Variants in KCNQ1 observed in about 807,000 individuals in gnomAD.
The protein encoded by KCNQ1 is potassium voltage-gated channel subfamily KQT member 1.
KCNQ1 carries 49 observed loss-of-function variants against 72.4 expected under a neutral mutation model. That is an observed-to-expected ratio of 0.68 (90% CI 0.54 to 0.86). KCNQ1 has a LOEUF of 0.86. KCNQ1 is among the 40% of genes least tolerant of loss of function. The pLI is 0.00. For synonymous variants in KCNQ1, 450 were observed against 412.6 expected (o/e 1.09, Z -1.10); for missense variants, 790 against 945.1 (o/e 0.84, Z 2.15).
At position 2,691,260 on chromosome 11, in the gene KCNQ1, G is replaced by A. The variant is rs1393527579; in HGVS notation, c.1514+29179G>A. Reference sequence around the variant, plus strand: ...TTAACCCCTTGAGTCTCGGAAGGCTGTTTGAGCCACTAATCAGGAAGGAGA... The same window carrying A: ...TTAACCCCTTGAGTCTCGGAAGGCTATTTGAGCCACTAATCAGGAAGGAGA... On this transcript the variant is annotated intron_variant, in intron 11 of 15. Coordinates refer to ENST00000155840, the MANE Select transcript of KCNQ1 (RefSeq NM_000218.3). This position sits in a 1 kb window ranked among gnomAD's most constrained non-coding sequence, Gnocchi z 6.4. 1.3e-5 allele frequency: 5 copies of A among 398,538 alleles called. No homozygotes were observed. The highest frequency in any genetic ancestry group is 1.3e-5 in the Non-Finnish European group (3 of 226,112). 24.7% of individuals were successfully genotyped at this position (398,538 alleles called of 1,614,324 possible).
rs182546797 is a variant in KCNQ1 at position 2,447,613 on chromosome 11, G to T, written c.386+2129G>T. 8.9e-4 allele frequency among the ~76,000 whole-genome samples: 135 copies of T among 152,280 alleles called. 1 individual carries two copies. The highest frequency in any genetic ancestry group is 3.0e-3 in the African/African-American group (125 of 41,556). On this transcript the variant is annotated intron_variant, in intron 1 of 15. Coordinates refer to ENST00000155840, the MANE Select transcript of KCNQ1 (RefSeq NM_000218.3). This position sits in a 1 kb window ranked among gnomAD's most constrained non-coding sequence, Gnocchi z 7.6. ...AACCAGGATGGCAGAGTAGCTGGAG[G>T]CCACCTGCAGCCTCACGAAATCAGG...
At chr11:2,630,227 T>C (rs1849331140) in intron 10 of KCNQ1, 1 of 398,370 alleles carries the variant, frequency 2.5e-6, no homozygotes, top group African/African-American at 2.1e-5. Flanking sequence ...CTTGTATATG[T>C]ACACTTAACT....
intron 10 of KCNQ1, among the ~76,000 whole-genome samples, chr11:2,590,133 C>A (rs1361068351): frequency 6.6e-6 from 1 of 152,226 alleles, no homozygotes; most frequent in Non-Finnish European, 1.5e-5. Context: ...CTGGCTTTTT[C>A]TGTCCTCTGA....
At chr11:2,753,804 C>T (rs1846260869) in intron 11 of KCNQ1, among the ~76,000 whole-genome samples, 2 of 152,214 alleles carry the variant, frequency 1.3e-5, no homozygotes, top group South Asian at 2.1e-4. Flanking sequence ...GGGACACACA[C>T]ATTTGAGAAA....
intron 11 of KCNQ1, among the ~76,000 whole-genome samples, chr11:2,743,253 G>A (rs945837524): frequency 7.2e-5 from 11 of 152,010 alleles, no homozygotes; most frequent in South Asian, 4.2e-4. Flanking sequence ...CATTGACTCC[G>A]AGGGTCTTCA....
At chr11:2,640,582 C>T (rs1278872837) in intron 10 of KCNQ1, 20 of 392,146 alleles carry the variant, frequency 5.1e-5, no homozygotes, top group Admixed American at 1.4e-4. Context: ...TTTTTTTGAC[C>T]GATACATAAT....
Position 2,800,903 on chromosome 11 carries a change from G to C in KCNQ1, c.1794+22866G>C, listed in dbSNP as rs533405401. 2.6e-5 allele frequency among the ~76,000 whole-genome samples: 4 copies of C among 152,258 alleles called. No homozygotes were observed. The South Asian group carries it at 8.3e-4, about 32-fold the overall frequency. On this transcript the variant is annotated intron_variant, in intron 15 of 15. Transcript: ENST00000155840. ...GCGCTGGGGCAGGAGGAGAAGGTGT[G>C]GCTGGCAGGCACTCATGAGGACAGG...
chr11:2,802,056 G>T (rs1359709888), intron 15 of KCNQ1, among the ~76,000 whole-genome samples: 1 of 152,250 alleles, frequency 6.6e-6, no homozygotes, highest in African/African-American at 2.4e-5. Flanking sequence ...CAGCTGCGGA[G>T]CGGGGCGCGG....
chr11:2,512,717 G>C (rs1274061127), intron 1 of KCNQ1, among the ~76,000 whole-genome samples: 1 of 152,198 alleles, frequency 6.6e-6, no homozygotes, highest in Non-Finnish European at 1.5e-5. Flanking sequence ...CCAGCCTGCT[G>C]TTACAGGGGA....
intron 10 of KCNQ1, chr11:2,632,173 A>T (rs994975576): frequency 2.8e-6 from 1 of 361,156 alleles, no homozygotes; most frequent in African/African-American, 2.7e-5. Context: ...ACAGACCAAG[A>T]CTCTGCCTCA....
At chr11:2,596,148 A>T (rs1053708491) in intron 10 of KCNQ1, among the ~76,000 whole-genome samples, 1 of 152,238 alleles carries the variant, frequency 6.6e-6, no homozygotes, top group South Asian at 2.1e-4. Flanking sequence ...CCCAATTATT[A>T]TATTATATAA....
In KCNQ1 at chr11:2,547,819, G is replaced by A. The variant is rs924448276; in HGVS notation, c.477+19801G>A. On this transcript the variant is annotated intron_variant, in intron 2 of 15. Coordinates refer to ENST00000155840, the MANE Select transcript of KCNQ1 (RefSeq NM_000218.3). This position sits in a 1 kb window ranked among gnomAD's most constrained non-coding sequence, Gnocchi z 4.2. ...TCTCAGTGGAGCGGCCGGGCTGCGA[G>A]TCTCTGTATGGAGGTGAAGGTCCAG... 2.0e-5 allele frequency among the ~76,000 whole-genome samples: 3 copies of A among 152,352 alleles called. No individual in the cohort carries two copies. Among genetic ancestry groups the A allele is most frequent in the South Asian group, 4.1e-4 (2 of 4,822 alleles).
chr11:2,815,743 G>A lies in KCNQ1; in HGVS notation c.1795-32024G>A, dbSNP rs1012108042. ...TTCAGGAGAGGGTGGGAGCAGACAC[G>A]GGAGTAGGATGGGGGCCCTGGAGGT... On this transcript the variant is annotated intron_variant, in intron 15 of 15. Transcript: ENST00000155840. This position sits in a 1 kb window ranked among gnomAD's most constrained non-coding sequence, Gnocchi z 5.4. Among the ~76,000 whole-genome samples the A allele has an allele frequency of 5.9e-5, 9 of 152,128 alleles. No homozygotes were observed. The highest frequency in any genetic ancestry group is 1.7e-4 in the African/African-American group (7 of 41,426).
At chr11:2,821,717 A>G (rs1472652933) in intron 15 of KCNQ1, among the ~76,000 whole-genome samples, 3 of 152,036 alleles carry the variant, frequency 2.0e-5, no homozygotes, top group Non-Finnish European at 4.4e-5. Context: ...CCCTGTGCCC[A>G]TGACATCTCC....
intron 10 of KCNQ1, chr11:2,650,748 G>C (rs1289349915): frequency 2.5e-6 from 1 of 398,476 alleles, no homozygotes; most frequent in African/African-American, 2.1e-5. Context: ...GGCTCACTTT[G>C]CTACCCACAG....
intron 2 of KCNQ1, among the ~76,000 whole-genome samples, chr11:2,555,144 C>T (rs531769587): frequency 7.2e-5 from 11 of 152,228 alleles, no homozygotes; most frequent in Non-Finnish European, 1.3e-4. Flanking sequence ...TTCAACCCTG[C>T]GGCCTTCTCA....
chr11:2,816,915 C>T lies in KCNQ1; in HGVS notation c.1795-30852C>T, dbSNP rs1386117217. Reference sequence around the variant, plus strand: ...ACAAATACATGTCTGTGACCACAGCCCAACCCCTGGGCAGTGGCTGCCCCT... The same window carrying T: ...ACAAATACATGTCTGTGACCACAGCTCAACCCCTGGGCAGTGGCTGCCCCT... On this transcript the variant is annotated intron_variant, in intron 15 of 15. Coordinates refer to ENST00000155840, the MANE Select transcript of KCNQ1 (RefSeq NM_000218.3). This position sits in a 1 kb window ranked among gnomAD's most constrained non-coding sequence, Gnocchi z 6.8. Among the ~76,000 whole-genome samples the T allele has an allele frequency of 6.6e-6, 1 of 152,048 alleles. No homozygotes were observed. Among genetic ancestry groups the T allele is most frequent in the Non-Finnish European group, 1.5e-5 (1 of 67,996 alleles).
intron 15 of KCNQ1, among the ~76,000 whole-genome samples, chr11:2,831,347 G>C (rs553659086): frequency 2.6e-5 from 4 of 152,112 alleles, no homozygotes; most frequent in Non-Finnish European, 4.4e-5. Flanking sequence ...GACCAGTGGC[G>C]GCTGGAAATA....
chr11:2,820,177 T>C (rs1019399807), intron 15 of KCNQ1, among the ~76,000 whole-genome samples: 2 of 152,210 alleles, frequency 1.3e-5, no homozygotes, highest in African/African-American at 4.8e-5. Flanking sequence ...ACATTTATTT[T>C]CAATCTTTTT....
Sources: gnomAD v4.1 joint callset for allele counts (sites outside exome capture counted in the v4.1 genomes callset) on GRCh38, gnomAD v4.1.1 for gene constraint, Gnocchi (gnomAD v3.1) non-coding constraint, MANE v1.5 for transcripts, NCBI Gene and HGNC (gene_info 2026-07-23, HGNC 2026-07-21) for gene names.